PCDHA2: variants seen among roughly 807,000 people sequenced by gnomAD.
PCDHA2 encodes protocadherin alpha-2.
Under a neutral mutation model 66.0 loss-of-function variants are expected in PCDHA2, and 58 were observed. The observed-to-expected ratio is 0.88, with a 90% confidence interval of 0.71 to 1.09. The LOEUF is 1.09. Ranked by LOEUF, PCDHA2 falls within the 50% of genes least tolerant of loss-of-function variation. The probability of loss-of-function intolerance (pLI) is 0.00; values close to 1 mark genes in which losing one functional copy is unlikely to be tolerated. For missense variants in PCDHA2, 1,267 were observed against 1,242.3 expected, an observed-to-expected ratio of 1.02 and a Z score of -0.30; for synonymous variants, 634 against 554.0, an observed-to-expected ratio of 1.14 and a Z score of -2.03.
At chr5:140,850,454 C>T (rs2150484793) in intron 1 of PCDHA2, 2 of 1,597,838 alleles carry the variant, frequency 1.3e-6, no homozygotes, top group Admixed American at 1.7e-5. Context: ...TGGTGAAAGA[C>T]CACGGGGAGC....
At chr5:140,938,002 G>A (rs1396127552) in intron 1 of PCDHA2, among the ~76,000 whole-genome samples, 1 of 151,938 alleles carries the variant, frequency 6.6e-6, no homozygotes, top group Non-Finnish European at 1.5e-5. Context: ...TGTATCCAAT[G>A]TTCTTGCTAA....
intron 1 of PCDHA2, among the ~76,000 whole-genome samples, chr5:140,960,851 T>C (rs782540669): frequency 5.3e-5 from 8 of 152,210 alleles, no homozygotes; most frequent in Non-Finnish European, 7.3e-5. Context: ...TAATGGCAAC[T>C]ATAAGCCAGA....
chr5:140,868,138 A>G (rs1436780455), intron 1 of PCDHA2: 7 of 152,142 alleles, frequency 4.6e-5, no homozygotes, highest in African/African-American at 1.4e-4. Context: ...CTGTCATATC[A>G]TTGATTCTGT....
intron 1 of PCDHA2, among the ~76,000 whole-genome samples, chr5:140,941,693 G>C (rs2093147737): frequency 6.6e-6 from 1 of 151,900 alleles, no homozygotes; most frequent in South Asian, 2.1e-4. Flanking sequence ...TTACCTCTTT[G>C]GGCTTAGCTT....
intron 1 of PCDHA2, chr5:140,850,295 C>G (rs2150478300): frequency 5.6e-6 from 9 of 1,596,420 alleles, no homozygotes; most frequent in Non-Finnish European, 7.7e-6. Flanking sequence ...TGGACGCCGA[C>G]TCGGGCTACA....
Position 141,010,188 on chromosome 5 carries a change from T to A in PCDHA2, c.*251T>A. ...CAGAACCTAAAAAGCAGACCCAAGT[T>A]TCCTTTCTCCTCCGCCGCAAAGGAG... is the stretch of plus-strand genomic sequence containing the variant. On this transcript the variant is annotated 3_prime_UTR_variant, in exon 4 of 4. Coordinates refer to ENST00000526136, the MANE Select transcript of PCDHA2 (RefSeq NM_018905.3). 6.4e-7 allele frequency: 1 copy of A among 1,553,070 alleles called. No individual in the cohort carries two copies. The highest frequency in any genetic ancestry group is 1.2e-5 in the South Asian group (1 of 84,340).
At chr5:140,983,092 T>C (rs782172308) in intron 3 of PCDHA2, among the ~76,000 whole-genome samples, 4 of 152,178 alleles carry the variant, frequency 2.6e-5, no homozygotes, top group Non-Finnish European at 5.9e-5. Flanking sequence ...TCAAAGTCAA[T>C]CTGCTTCTCT....
chr5:141,006,946 G>A (rs1333269040), intron 3 of PCDHA2, among the ~76,000 whole-genome samples: 1 of 152,120 alleles, frequency 6.6e-6, no homozygotes, highest in African/African-American at 2.4e-5. Flanking sequence ...TACCAGATAG[G>A]CAGTTATACA....
At chr5:140,967,198 C>T (rs2096112626) in intron 1 of PCDHA2, 9 of 1,613,662 alleles carry the variant, frequency 5.6e-6, no homozygotes, top group South Asian at 1.1e-5. Flanking sequence ...TCAACGACAA[C>T]TCACCGCGTT....
intron 1 of PCDHA2, chr5:140,828,939 G>A: frequency 6.2e-7 from 1 of 1,614,232 alleles, no homozygotes; most frequent in Non-Finnish European, 8.5e-7. Context: ...TCTTTTAATA[G>A]CCTTGTTGCA....
intron 1 of PCDHA2, chr5:140,824,010 G>A (rs1554129688): frequency 1.2e-6 from 2 of 1,614,148 alleles, no homozygotes; most frequent in Middle Eastern, 1.6e-4. Context: ...GCGCGGTGGG[G>A]AGCTGGTCGT....
At chr5:140,797,718 G>A (rs187278003) in intron 1 of PCDHA2, among the ~76,000 whole-genome samples, 2 of 152,222 alleles carry the variant, frequency 1.3e-5, no homozygotes, top group African/African-American at 4.8e-5. Flanking sequence ...TATATAATAC[G>A]TATTTTCAAC....
intron 1 of PCDHA2, chr5:140,875,542 T>A: frequency 6.2e-7 from 1 of 1,614,134 alleles, no homozygotes; most frequent in Non-Finnish European, 8.5e-7. Flanking sequence ...CCTTGCAGCC[T>A]GGGAGGTGGG....
chr5:140,868,706 CAA>C (rs1562618527), intron 1 of PCDHA2: 1 of 185,252 alleles, frequency 5.4e-6, no homozygotes, highest in Non-Finnish European at 1.1e-5. Flanking sequence ...AACATAGACA[CAA>C]TAATTTAAAT....
chr5:140,972,241 GC>G (rs1162351861), intron 1 of PCDHA2, among the ~76,000 whole-genome samples: 1 of 151,838 alleles, frequency 6.6e-6, no homozygotes, highest in Non-Finnish European at 1.5e-5. Flanking sequence ...CTGGGCTCAA[GC>G]AATCCTCACA....
In PCDHA2 at chr5:140,995,948, C is replaced by T. The variant is rs143431693; in HGVS notation, c.2536+13385C>T. Among the ~76,000 whole-genome samples the T allele has an allele frequency of 4.7e-3, 711 of 152,264 alleles. 7 individuals carry two copies. The highest frequency in any genetic ancestry group is 0.016 in the African/African-American group (645 of 41,554). ...TGTAAGTATTAAATGACATAATGCA[C>T]GCAAAATGCTTAGAACCATGCTTAG... On this transcript the variant is annotated intron_variant, in intron 3 of 3. Transcript: ENST00000526136.
Position 141,009,900 on chromosome 5 carries a change from A to G in PCDHA2, c.2810A>G (p.Glu937Gly). The G allele has an allele frequency of 6.2e-7, 1 of 1,613,166 alleles. No individual in the cohort carries two copies. The highest frequency in any genetic ancestry group is 8.5e-7 in the Non-Finnish European group (1 of 1,179,840). Residue 937 changes from glutamate (E) to glycine (G), a missense_variant, in exon 4 of 4, where the codon GAG becomes GGG. Physicochemically the swap from Glu to Gly is moderately conservative, Grantham distance 98. Coordinates refer to ENST00000526136, the MANE Select transcript of PCDHA2 (RefSeq NM_018905.3). Reference sequence around the variant, plus strand: ...GGTAACAAGACCCAGGAGAAAAAAGAGAAAGGGAACAGCACGACTGACAAC... The same window carrying G: ...GGTAACAAGACCCAGGAGAAAAAAGGGAAAGGGAACAGCACGACTGACAAC... ...KKGNKTQEKK[E>G]KGNSTTDNSD...
Position 140,835,739 on chromosome 5 carries a change from C to G in PCDHA2, c.2388+38387C>G, listed in dbSNP as rs185499663. On this transcript the variant is annotated intron_variant, in intron 1 of 3. Transcript: ENST00000526136. ...AGGTGGCCGACGTGAACGACAACGC[C>G]CCGGCGTTCGCGCAGCCCGAGTATA... The G allele has an allele frequency of 4.3e-6, 7 of 1,613,474 alleles. No individual in the cohort carries two copies. In the African/African-American group the frequency reaches 5.3e-5, roughly 12 times the overall value.
intron 1 of PCDHA2, among the ~76,000 whole-genome samples, chr5:140,970,633 A>G (rs2096420540): frequency 6.6e-6 from 1 of 152,210 alleles, no homozygotes; most frequent in Admixed American, 6.5e-5. Context: ...AAAATTTTGT[A>G]CCATAAATAG....
Sources: allele counts gnomAD v4.1 joint callset (sites outside exome capture counted in the v4.1 genomes callset), GRCh38; gene constraint gnomAD v4.1.1; transcripts MANE v1.5; gene names NCBI Gene and HGNC (gene_info 2026-07-23, HGNC 2026-07-21).